Variants in NUBPL observed in about 807,000 individuals in gnomAD.
NUBPL encodes the protein iron-sulfur cluster transfer protein NUBPL.
A neutral mutation model predicts 45.7 loss-of-function variants in NUBPL; 31 were observed. That is an observed-to-expected ratio of 0.68 (90% CI 0.51 to 0.92). NUBPL has a LOEUF of 0.92. Ranked by LOEUF, NUBPL falls within the 40% of genes least tolerant of loss-of-function variation. The pLI, the probability that NUBPL is intolerant of heterozygous loss-of-function variation, is 0.00. For missense variants in NUBPL, 401 were observed against 398.7 expected, an observed-to-expected ratio of 1.01 and a Z score of -0.05; for synonymous variants, 144 against 140.9, an observed-to-expected ratio of 1.02 and a Z score of -0.15.
intron 6 of NUBPL, among the ~76,000 whole-genome samples, chr14:31,735,344 A>T (rs911838149): frequency 1.3e-5 from 2 of 152,186 alleles, no homozygotes; most frequent in African/African-American, 4.8e-5. Flanking sequence ...AAAATTACAG[A>T]TTGGATATTG....
rs10467752 is a variant in NUBPL at position 31,604,199 on chromosome 14, C to T, written c.382+4820C>T. The stretch of plus-strand genomic sequence containing the variant: ...AGGCTGAAAAAAAAAAAAAAAAACA[C>T]TTTCTCTGTTGACAGGCTGATCTTA... On this transcript the variant is annotated intron_variant, in intron 4 of 10. Coordinates refer to ENST00000281081, the MANE Select transcript of NUBPL (RefSeq NM_025152.3). Among the ~76,000 whole-genome samples, 351 of 139,996 alleles carry T rather than the reference C, an allele frequency of 2.5e-3. 2 individuals carry two copies. Among genetic ancestry groups the T allele is most frequent in the African/African-American group, 8.9e-3 (343 of 38,626 alleles). 91.8% of individuals were successfully genotyped at this position (139,996 alleles called of 152,430 possible).
chr14:31,676,537 T>C (rs1300837056), intron 6 of NUBPL, among the ~76,000 whole-genome samples: 1 of 152,008 alleles, frequency 6.6e-6, no homozygotes, highest in Non-Finnish European at 1.5e-5. Context: ...ACTTTTACAG[T>C]TGTTCAGAAG....
intron 6 of NUBPL, among the ~76,000 whole-genome samples, chr14:31,693,800 T>TAAAAAAAAAA (rs60070958): frequency 1.1e-5 from 1 of 94,600 alleles, no homozygotes; most frequent in Non-Finnish European, 1.9e-5. Context: ...AAGACAAAAT[T>TAAAAAAAAAA]AAAAAAAAAA....
intron 6 of NUBPL, among the ~76,000 whole-genome samples, chr14:31,676,370 G>A (rs2036698953): frequency 6.6e-6 from 1 of 152,026 alleles, no homozygotes; most frequent in African/African-American, 2.4e-5. Flanking sequence ...TAAGGCTTTT[G>A]AAATTCATGT....
chr14:31,727,111 A>G (rs1341107432), intron 6 of NUBPL, among the ~76,000 whole-genome samples: 1 of 152,234 alleles, frequency 6.6e-6, no homozygotes, highest in Non-Finnish European at 1.5e-5. Context: ...TCATTAGATA[A>G]AATTAAAGAA....
At chr14:31,646,420 C>G (rs1401839174) in intron 4 of NUBPL, among the ~76,000 whole-genome samples, 1 of 152,106 alleles carries the variant, frequency 6.6e-6, no homozygotes, top group East Asian at 1.9e-4. Flanking sequence ...CTCCTGACCT[C>G]ATGTGATCCA....
chr14:31,627,528 C>T (rs758072234), intron 4 of NUBPL, among the ~76,000 whole-genome samples: 8 of 151,904 alleles, frequency 5.3e-5, no homozygotes, highest in Non-Finnish European at 1.2e-4. Context: ...CCTGTAATCC[C>T]AGCACTTTAG....
chr14:31,715,082 A>G (rs1441874235), intron 6 of NUBPL, among the ~76,000 whole-genome samples: 4 of 152,200 alleles, frequency 2.6e-5, no homozygotes, highest in African/African-American at 9.7e-5. Context: ...TGCTTTAGTC[A>G]GGGTTGGGTC....
intron 4 of NUBPL, among the ~76,000 whole-genome samples, chr14:31,622,593 A>T (rs967489802): frequency 6.6e-6 from 1 of 152,044 alleles, no homozygotes; most frequent in Non-Finnish European, 1.5e-5. Flanking sequence ...CATCCCAGAC[A>T]CTCTAGCTCC....
chr14:31,700,261 A>G (rs956875789), intron 6 of NUBPL, among the ~76,000 whole-genome samples: 1 of 152,248 alleles, frequency 6.6e-6, no homozygotes, highest in Non-Finnish European at 1.5e-5. Context: ...ATTAAAACCC[A>G]ACAGCTCTTT....
At chr14:31,700,920 G>A (rs1394206131) in intron 6 of NUBPL, among the ~76,000 whole-genome samples, 1 of 152,298 alleles carries the variant, frequency 6.6e-6, no homozygotes, top group South Asian at 2.1e-4. Context: ...ACCGCCCAAG[G>A]GCTGAGGAGT....
chr14:31,594,869 TA>T lies in NUBPL; in HGVS notation c.292-4418del, dbSNP rs1182503424. On this transcript the variant is annotated intron_variant, in intron 3 of 10. Transcript: ENST00000281081. ...TGCCAGTCCGAGATTAAACTGAATA[TA>T]ATATACAGGGAATCATGGGAGTCTT... 5.3e-5 allele frequency among the ~76,000 whole-genome samples: 8 copies of T among 152,306 alleles called. No individual in the cohort carries two copies. The East Asian group carries it at 1.5e-3, about 29-fold the overall frequency.
chr14:31,841,642 A>G (rs953375723), intron 8 of NUBPL, among the ~76,000 whole-genome samples: 11 of 152,142 alleles, frequency 7.2e-5, no homozygotes, highest in African/African-American at 2.7e-4. Context: ...GTCCAATTTA[A>G]TTTAAATAAT....
chr14:31,649,926 C>G (rs1021787881), intron 4 of NUBPL, among the ~76,000 whole-genome samples: 1 of 152,124 alleles, frequency 6.6e-6, no homozygotes, highest in Non-Finnish European at 1.5e-5. Context: ...ATGGCGCAAT[C>G]TCCGCTCACT....
At chr14:31,779,041 A>G (rs1182282243) in intron 6 of NUBPL, among the ~76,000 whole-genome samples, 1 of 152,144 alleles carries the variant, frequency 6.6e-6, no homozygotes, top group East Asian at 1.9e-4. Context: ...TAAGATGAGG[A>G]TAGAAAGAGA....
At chr14:31,722,341 T>C (rs2037829093) in intron 6 of NUBPL, among the ~76,000 whole-genome samples, 1 of 152,200 alleles carries the variant, frequency 6.6e-6, no homozygotes. Flanking sequence ...CAACCTGTCA[T>C]TGAAGCGCAT....
Position 31,859,246 on chromosome 14 carries a change from T to A in NUBPL, c.*66T>A. The A allele has an allele frequency of 8.7e-7, 1 of 1,152,656 alleles. No individual in the cohort carries two copies. Among genetic ancestry groups the A allele is most frequent in the Non-Finnish European group, 1.3e-6 (1 of 760,364 alleles). 71.4% of individuals were successfully genotyped at this position (1,152,656 alleles called of 1,614,324 possible). ...AGAGGACCTTTGGAAATCAGCAATG[T>A]GGTGATGGAACCTACAGAAATAATA... is the stretch of plus-strand genomic sequence containing the variant. On this transcript the variant is annotated 3_prime_UTR_variant, in exon 11 of 11. Transcript: ENST00000281081.
intron 4 of NUBPL, among the ~76,000 whole-genome samples, chr14:31,600,930 A>G (rs1194640238): frequency 2.6e-5 from 4 of 151,762 alleles, no homozygotes; most frequent in African/African-American, 7.3e-5. Context: ...TAATTTTTGT[A>G]TAAGGTGTAA....
intron 8 of NUBPL, among the ~76,000 whole-genome samples, chr14:31,834,653 C>G (rs1431951233): frequency 6.6e-6 from 1 of 152,154 alleles, no homozygotes. Context: ...CAGGCTCTCT[C>G]AGAAGTCTAT....
Sources: allele counts gnomAD v4.1 joint callset (sites outside exome capture counted in the v4.1 genomes callset), GRCh38; gene constraint gnomAD v4.1.1; transcripts MANE v1.5; gene names NCBI Gene and HGNC (gene_info 2026-07-23, HGNC 2026-07-21).